The following PRKCA variants were observed in gnomAD, a reference collection of about 807,000 sequenced individuals.
PRKCA encodes protein kinase C alpha.
Under a neutral mutation model 87.0 loss-of-function variants are expected in PRKCA, and 27 were observed. The ratio of observed to expected loss-of-function variants is 0.31; its 90% CI spans 0.23 to 0.43. The LOEUF (loss-of-function observed/expected upper bound fraction) is 0.43. PRKCA is among the 20% of genes least tolerant of loss of function. The probability of loss-of-function intolerance (pLI) is 1.00; values close to 1 mark genes in which losing one functional copy is unlikely to be tolerated. For synonymous variants in PRKCA, 329 were observed against 311.1 expected, an observed-to-expected ratio of 1.06 and a Z score of -0.61; for missense variants, 518 against 852.3, an observed-to-expected ratio of 0.61 and a Z score of 4.88.
At chr17:66,367,791 T>G (rs975999168) in intron 2 of PRKCA, among the ~76,000 whole-genome samples, 27 of 152,194 alleles carry the variant, frequency 1.8e-4, no homozygotes, top group African/African-American at 6.5e-4. Context: ...TAATTATGTC[T>G]TCTCATTTGC....
At position 66,413,369 on chromosome 17, in the gene PRKCA, G is replaced by A. The variant is rs74514936; in HGVS notation, c.206-82832G>A. Among the ~76,000 whole-genome samples, 1,038 of 152,294 alleles carry A rather than the reference G, an allele frequency of 6.8e-3. 18 individuals carry two copies. Among genetic ancestry groups the A allele is most frequent in the African/African-American group, 0.023 (976 of 41,550 alleles). ...TGGAGTATCCATGCCCTTTCCAGAT[G>A]TGCCAGCCTCCTGGCACCTCAGCAA... On this transcript the variant is annotated intron_variant, in intron 2 of 16. Coordinates refer to ENST00000413366, the MANE Select transcript of PRKCA (RefSeq NM_002737.3).
At chr17:66,732,640 T>G (rs748594120) in intron 8 of PRKCA, 48 bp from the exon 9 acceptor site, 2 of 1,612,060 alleles carry the variant, frequency 1.2e-6, no homozygotes, top group Non-Finnish European at 1.7e-6. Context: ...TGTCACTCTT[T>G]CCCCAGAAAA....
chr17:66,347,232 T>C (rs1183299143), intron 2 of PRKCA, among the ~76,000 whole-genome samples: 1 of 151,990 alleles, frequency 6.6e-6, no homozygotes, highest in Non-Finnish European at 1.5e-5. Flanking sequence ...ACAAAAAAAA[T>C]TTAGTGGGAA....
chr17:66,590,849 CA>C (rs978275535), intron 3 of PRKCA, among the ~76,000 whole-genome samples: 43 of 142,738 alleles, frequency 3.0e-4, no homozygotes, highest in Admixed American at 4.2e-4. Context: ...GACTCCGTCT[CA>C]AAAAAAAAAA....
rs61761470 is a variant in PRKCA, at chr17:66,741,510, G to T, written c.1323-149G>T. On this transcript the variant is annotated intron_variant, in intron 11 of 16. Coordinates refer to ENST00000413366, the MANE Select transcript of PRKCA (RefSeq NM_002737.3). ...CTGGAGGACGAAGTGATGGAGGGAGGACCGGGGGTTGGAAGAACACGATGC... is the reference window on the plus strand; with the variant it reads ...CTGGAGGACGAAGTGATGGAGGGAGTACCGGGGGTTGGAAGAACACGATGC... 7.4e-4 allele frequency: 517 copies of T among 697,256 alleles called. 4 individuals carry two copies. In the African/African-American group the frequency reaches 8.4e-3, roughly 11 times the overall value. The allele number at this position is 697,256 out of a possible 1,614,324, so 43.2% of individuals were successfully genotyped here.
chr17:66,572,509 C>T (rs8066055), intron 3 of PRKCA, among the ~76,000 whole-genome samples: 91,016 of 151,906 alleles, frequency 0.6, 28,577 homozygotes, highest in African/African-American at 0.8. Flanking sequence ...TGAGAAAATA[C>T]GCAAGATGAA....
intron 3 of PRKCA, among the ~76,000 whole-genome samples, chr17:66,581,418 C>T (rs1969427120): frequency 6.6e-6 from 1 of 152,192 alleles, no homozygotes; most frequent in Non-Finnish European, 1.5e-5. Context: ...ATTCTTCCAA[C>T]TTTTTAAACT....
At chr17:66,741,596 A>G in intron 11 of PRKCA, 63 bp from the exon 12 acceptor site, 1 of 1,535,564 alleles carries the variant, frequency 6.5e-7, no homozygotes, top group South Asian at 1.1e-5. Flanking sequence ...GAATTTGAGA[A>G]TGTAAAGTAT....
chr17:66,527,014 G>C (rs1218800399), intron 3 of PRKCA, among the ~76,000 whole-genome samples: 1 of 152,184 alleles, frequency 6.6e-6, no homozygotes, highest in Non-Finnish European at 1.5e-5. Flanking sequence ...ATGTCCAGTG[G>C]TTTGTGTGTG....
intron 14 of PRKCA, chr17:66,777,798 C>A: frequency 1.0e-6 from 1 of 985,402 alleles, no homozygotes; most frequent in Non-Finnish European, 1.2e-6. Context: ...GGGCGCTTTA[C>A]AAGAGGTCAC....
Position 66,687,228 on chromosome 17 carries a change from G to T in PRKCA, c.647G>T (p.Arg216Leu). Reference sequence around the variant, plus strand: ...AGCAAGCAAAAAACCAAAACCATCCGCTCCACACTAAATCCGCAGTGGAAT... The same window carrying T: ...AGCAAGCAAAAAACCAAAACCATCCTCTCCACACTAAATCCGCAGTGGAAT... ...NESKQKTKTI[R>L]STLNPQWNES... The change falls in exon 6 of 17, where the codon CGC (arginine) becomes CTC (leucine). Residue 216 changes from arginine to leucine, a missense_variant. Transcript: ENST00000413366. 6.2e-7 allele frequency: 1 copy of T among 1,614,010 alleles called. No individual in the cohort carries two copies. The highest frequency in any genetic ancestry group is 1.7e-5 in the Admixed American group (1 of 60,002).
At chr17:66,650,715 G>A (rs1443077832) in intron 5 of PRKCA, among the ~76,000 whole-genome samples, 3 of 152,078 alleles carry the variant, frequency 2.0e-5, no homozygotes, top group Admixed American at 6.5e-5. Flanking sequence ...GCGATTTGAT[G>A]TCTGTCACCC....
chr17:66,638,837 G>A (rs1369581923), intron 3 of PRKCA, among the ~76,000 whole-genome samples: 1 of 151,142 alleles, frequency 6.6e-6, no homozygotes, highest in Non-Finnish European at 1.5e-5. Flanking sequence ...AACAGAGCAA[G>A]ACTGTCTAAA....
chr17:66,326,558 C>T (rs1905994614), intron 2 of PRKCA, among the ~76,000 whole-genome samples: 1 of 152,166 alleles, frequency 6.6e-6, no homozygotes, highest in African/African-American at 2.4e-5. Flanking sequence ...GAGGAGCATC[C>T]TCTTTTTTGT....
intron 13 of PRKCA, among the ~76,000 whole-genome samples, chr17:66,745,675 C>G (rs915754850): frequency 2.0e-5 from 3 of 151,910 alleles, no homozygotes; most frequent in South Asian, 2.1e-4. Flanking sequence ...AGTGAGACAC[C>G]GTCTCAAAAA....
intron 2 of PRKCA, among the ~76,000 whole-genome samples, chr17:66,439,052 G>A (rs932379275): frequency 2.0e-5 from 3 of 152,174 alleles, no homozygotes; most frequent in Non-Finnish European, 2.9e-5. Context: ...AGCAGTAACT[G>A]ACATTTCTTG....
chr17:66,419,950 C>T (rs992355120), intron 2 of PRKCA, among the ~76,000 whole-genome samples: 1 of 151,364 alleles, frequency 6.6e-6, no homozygotes, highest in African/African-American at 2.4e-5. Flanking sequence ...CATAATGCGT[C>T]CTCAGTCAGT....
intron 2 of PRKCA, among the ~76,000 whole-genome samples, chr17:66,469,455 G>A (rs944626993): frequency 2.0e-5 from 3 of 152,220 alleles, no homozygotes; most frequent in African/African-American, 7.2e-5. Flanking sequence ...CGTCAATCAC[G>A]TGACAACCAC....
intron 2 of PRKCA, among the ~76,000 whole-genome samples, chr17:66,471,944 A>G (rs1171111961): frequency 3.9e-5 from 6 of 152,136 alleles, no homozygotes; most frequent in African/African-American, 1.4e-4. Flanking sequence ...AATTTGACCA[A>G]TCAGTTTGAT....
Sources: allele counts gnomAD v4.1 joint callset (sites outside exome capture counted in the v4.1 genomes callset), GRCh38; gene constraint gnomAD v4.1.1; transcripts MANE v1.5; gene names NCBI Gene and HGNC (gene_info 2026-07-23, HGNC 2026-07-21).